The following SYCP1 variants were observed in gnomAD, a reference collection of about 807,000 sequenced individuals.
The protein encoded by SYCP1 is cancer/testis antigen 8.
A neutral mutation model predicts 153.1 loss-of-function variants in SYCP1; 64 were observed. That is an observed-to-expected ratio of 0.42 (90% CI 0.34 to 0.51). SYCP1 has a LOEUF of 0.51. SYCP1 is among the 20% of genes least tolerant of loss of function. The pLI is 0.06. For synonymous variants in SYCP1, 384 were observed against 341.8 expected (o/e 1.12, Z -1.36); for missense variants, 997 against 1,049.0 (o/e 0.95, Z 0.68).
chr1:114,928,269 A>C (rs1669387518), intron 23 of SYCP1, among the ~76,000 whole-genome samples: 1 of 150,288 alleles, frequency 6.7e-6, no homozygotes, highest in Non-Finnish European at 1.5e-5. Context: ...CTAAAACCAA[A>C]GATAAAAAGA....
chr1:114,981,430 C>T lies in SYCP1; in HGVS notation c.2477C>T (p.Ser826Leu). The T allele has an allele frequency of 6.2e-7, 1 of 1,610,356 alleles. No homozygotes were observed. Among genetic ancestry groups the T allele is most frequent in the Non-Finnish European group, 8.5e-7 (1 of 1,178,456 alleles). The part of the protein sequence containing the change: ...PSQTVSRNFT[S>L]VDHGISKDKR... Reference sequence around the variant, plus strand: ...CAAACTGTATCTCGAAATTTCACATCAGTTGATCATGGCATATCCAAAGAT... The same window carrying T: ...CAAACTGTATCTCGAAATTTCACATTAGTTGATCATGGCATATCCAAAGAT... The change falls in exon 29 of 32, where the codon TCA (serine) becomes TTA (leucine). Residue 826 changes from serine to leucine, a missense_variant. This residue lies in a region of SYCP1 where 712 missense variants were observed against 682.9 expected (regional missense o/e 1.04). Transcript: ENST00000369522.
At chr1:114,980,218 C>T (rs938934517) in intron 28 of SYCP1, among the ~76,000 whole-genome samples, 16 of 151,898 alleles carry the variant, frequency 1.1e-4, no homozygotes, top group Middle Eastern at 3.4e-3. Flanking sequence ...TGAATAATTG[C>T]CACGATTGTA....
chr1:114,955,383 T>C (rs1671371872), intron 27 of SYCP1, among the ~76,000 whole-genome samples: 1 of 152,202 alleles, frequency 6.6e-6, no homozygotes. Context: ...GTAGTTTTCT[T>C]CTCTATACTA....
At chr1:114,958,265 G>A (rs1026802883) in intron 27 of SYCP1, among the ~76,000 whole-genome samples, 2 of 152,066 alleles carry the variant, frequency 1.3e-5, no homozygotes, top group East Asian at 1.9e-4. Context: ...TAAATACAGC[G>A]GTGGTTACTG....
At position 114,910,381 on chromosome 1, in the gene SYCP1, T is replaced by G; in HGVS notation, c.1321-16T>G. ...GTATGGTTTGGCATTCCTGATTTGT[T>G]AATGTTTATAAATAGGGAGAAAAGG... is the stretch of plus-strand genomic sequence containing the variant. On this transcript the variant is annotated splice_polypyrimidine_tract_variant and intron_variant, in intron 16 of 31. Transcript: ENST00000369522. 1 of 1,539,862 alleles carries G rather than the reference T, an allele frequency of 6.5e-7. No individual in the cohort carries two copies. The highest frequency in any genetic ancestry group is 8.9e-7 in the Non-Finnish European group (1 of 1,123,206).
chr1:114,874,189 C>T (rs1269571745), intron 8 of SYCP1, among the ~76,000 whole-genome samples: 3 of 152,162 alleles, frequency 2.0e-5, no homozygotes, highest in African/African-American at 4.8e-5. Flanking sequence ...TTGCCTGTCT[C>T]TCCAATTTTG....
intron 25 of SYCP1, among the ~76,000 whole-genome samples, chr1:114,945,738 T>C (rs190964958): frequency 6.6e-6 from 1 of 152,132 alleles, no homozygotes; most frequent in East Asian, 1.9e-4. Context: ...CTGATAACTT[T>C]CTTTGAGTTA....
At position 114,991,961 on chromosome 1, in the gene SYCP1, G is replaced by C. The variant is rs1380470431; in HGVS notation, c.2704-2737G>C. On this transcript the variant is annotated intron_variant, in intron 30 of 31. Transcript: ENST00000369522. The stretch of plus-strand genomic sequence containing the variant: ...TAAATAAATTCAGCAAAGTTGTAGG[G>C]TACAATATCAACATACAAAAATTGA... Among the ~76,000 whole-genome samples, 3 of 151,798 alleles carry C rather than the reference G, an allele frequency of 2.0e-5. No individual in the cohort carries two copies. The South Asian group carries it at 6.2e-4, about 32-fold the overall frequency.
At chr1:114,923,159 C>G (rs1669009075) in intron 20 of SYCP1, among the ~76,000 whole-genome samples, 1 of 152,158 alleles carries the variant, frequency 6.6e-6, no homozygotes, top group Admixed American at 6.6e-5. Flanking sequence ...TACTTCTGAA[C>G]ACAATGATGA....
chr1:114,857,310 T>C, intron 4 of SYCP1, 35 bp downstream of exon 4: 1 of 1,589,224 alleles, frequency 6.3e-7, no homozygotes, highest in Non-Finnish European at 8.6e-7. Context: ...ATATAATCTG[T>C]TTAGGTAATG....
chr1:114,891,694 G>A (rs76815187), intron 15 of SYCP1, among the ~76,000 whole-genome samples: 4,764 of 152,038 alleles, frequency 0.031, 124 homozygotes, highest in Non-Finnish European at 0.042. Flanking sequence ...ATCTATCTTT[G>A]CTTTCAATTT....
At chr1:114,965,877 GA>G (rs1462085381) in intron 27 of SYCP1, among the ~76,000 whole-genome samples, 4 of 152,112 alleles carry the variant, frequency 2.6e-5, no homozygotes, top group Non-Finnish European at 5.9e-5. Context: ...AGTTAGGCAG[GA>G]GTCCCTCTTT....
chr1:114,870,918 G>A (rs1665070449), intron 8 of SYCP1, among the ~76,000 whole-genome samples: 2 of 152,022 alleles, frequency 1.3e-5, no homozygotes, highest in Non-Finnish European at 2.9e-5. Context: ...TCTATTTGTT[G>A]TCCTGTTCTT....
intron 28 of SYCP1, among the ~76,000 whole-genome samples, chr1:114,980,923 C>G (rs1673110127): frequency 6.6e-6 from 1 of 151,886 alleles, no homozygotes; most frequent in South Asian, 2.1e-4. Context: ...TGATCCTCTT[C>G]CTCCTCCCAT....
At chr1:114,896,795 G>A (rs925508512) in intron 16 of SYCP1, among the ~76,000 whole-genome samples, 1 of 152,166 alleles carries the variant, frequency 6.6e-6, no homozygotes, top group Non-Finnish European at 1.5e-5. Flanking sequence ...TGGAGGTTTT[G>A]TTATTGTTGT....
chr1:114,962,245 C>A (rs1236381600), intron 27 of SYCP1, among the ~76,000 whole-genome samples: 2 of 152,060 alleles, frequency 1.3e-5, no homozygotes, highest in Non-Finnish European at 2.9e-5. Flanking sequence ...CTCAGCCTCC[C>A]AAAGTGCTGG....
At chr1:114,991,581 A>T (rs1236789839) in intron 30 of SYCP1, among the ~76,000 whole-genome samples, 1 of 151,872 alleles carries the variant, frequency 6.6e-6, no homozygotes, top group African/African-American at 2.4e-5. Context: ...ATGCAAAAAA[A>T]GGTACCTGGC....
At chr1:114,967,081 G>C (rs562114214) in intron 27 of SYCP1, among the ~76,000 whole-genome samples, 12 of 152,274 alleles carry the variant, frequency 7.9e-5, no homozygotes, top group African/African-American at 2.9e-4. Context: ...TGCTGAGGGT[G>C]TTTTATTTCC....
Position 114,876,827 on chromosome 1 carries a change from A to G in SYCP1, c.801+17A>G. ...GAAAAGCAGGTTTTTTAAAAAACCA[A>G]CTCTTTGTATTCTTTATATTTGCTA... On this transcript the variant is annotated intron_variant, in intron 11 of 31. Transcript: ENST00000369522. 7.5e-7 allele frequency: 1 copy of G among 1,336,528 alleles called. No individual in the cohort carries two copies. Among genetic ancestry groups the G allele is most frequent in the Non-Finnish European group, 9.8e-7 (1 of 1,024,112 alleles). The allele number at this position is 1,336,528 out of a possible 1,614,324, so 82.8% of individuals were successfully genotyped here.
Sources: gnomAD v4.1 joint callset for allele counts (sites outside exome capture counted in the v4.1 genomes callset) on GRCh38, gnomAD v4.1.1 for gene constraint, gnomAD v4.1.1 regional missense constraint, MANE v1.5 for transcripts, NCBI Gene and HGNC (gene_info 2026-07-23, HGNC 2026-07-21) for gene names.